The following ZMIZ1 variants were observed in gnomAD, a reference collection of about 807,000 sequenced individuals.
The protein encoded by ZMIZ1 is zinc finger MIZ-type containing 1.
Under a neutral mutation model 113.9 loss-of-function variants are expected in ZMIZ1, and 17 were observed. The ratio of observed to expected loss-of-function variants is 0.15; its 90% CI spans 0.10 to 0.22. ZMIZ1 has a LOEUF of 0.22. Among genes scored for constraint, ZMIZ1 ranks in the 10% least tolerant of loss-of-function variants. The pLI, the probability that ZMIZ1 is intolerant of heterozygous loss-of-function variation, is 1.00. For missense variants in ZMIZ1, 1,059 were observed against 1,477.8 expected (o/e 0.72, Z 4.65); for synonymous variants, 607 against 603.1 (o/e 1.01, Z -0.09).
chr10:79,301,746 C>G (rs1854314579), intron 17 of ZMIZ1, among the ~76,000 whole-genome samples: 1 of 152,112 alleles, frequency 6.6e-6, no homozygotes, highest in Non-Finnish European at 1.5e-5. Context: ...ATGTGCAGTT[C>G]TGGAAGGCTT....
rs1485771618 is a variant in ZMIZ1 at position 79,313,545 on chromosome 10, CAGAG to C, written c.*801_*804del. 1.2e-5 allele frequency: 2 copies of C among 166,214 alleles called. No individual in the cohort carries two copies. Among genetic ancestry groups the C allele is most frequent in the East Asian group, 1.8e-4 (1 of 5,622 alleles). The allele number at this position is 166,214 out of a possible 1,614,324, so 10.3% of individuals were successfully genotyped here. A position where few individuals can be genotyped will look rare whatever the true frequency, so the allele number is the denominator to read the frequency against. On this transcript the variant is annotated 3_prime_UTR_variant, in exon 25 of 25. Transcript: ENST00000334512. ...TCAGACAGGGCCCAGGCTTGGGGAA[CAGAG>C]AGAGCAGGTGTACACCCAACCAAAG...
At chr10:79,192,464 G>C (rs1847646437) in intron 4 of ZMIZ1, among the ~76,000 whole-genome samples, 1 of 152,340 alleles carries the variant, frequency 6.6e-6, no homozygotes, top group Non-Finnish European at 1.5e-5. Flanking sequence ...GGTGTTGGGA[G>C]ATTGGATCAT....
intron 1 of ZMIZ1, among the ~76,000 whole-genome samples, chr10:79,098,903 C>A (rs768046130): frequency 4.6e-5 from 7 of 152,196 alleles, no homozygotes; most frequent in Non-Finnish European, 1.5e-5. Flanking sequence ...CCCTCTGGAG[C>A]TGGAGAACTT....
chr10:79,095,329 A>C (rs906952817), intron 1 of ZMIZ1, among the ~76,000 whole-genome samples: 1 of 152,254 alleles, frequency 6.6e-6, no homozygotes, highest in Non-Finnish European at 1.5e-5. Context: ...AACGCTATCA[A>C]GTCAAATATT....
chr10:79,180,191 G>A (rs1203490861), intron 4 of ZMIZ1, among the ~76,000 whole-genome samples: 7 of 152,182 alleles, frequency 4.6e-5, no homozygotes, highest in Non-Finnish European at 1.0e-4. Context: ...CCTCTCGAGA[G>A]GCATGAAGTG....
At chr10:79,273,117 C>A (rs371252660) in intron 7 of ZMIZ1, among the ~76,000 whole-genome samples, 5 of 152,174 alleles carry the variant, frequency 3.3e-5, no homozygotes, top group East Asian at 3.8e-4. Flanking sequence ...AGTGCATTTG[C>A]AGGTGGTTGT....
At chr10:79,211,625 T>C (rs556069483) in intron 6 of ZMIZ1, among the ~76,000 whole-genome samples, 1 of 152,318 alleles carries the variant, frequency 6.6e-6, no homozygotes, top group South Asian at 2.1e-4. Flanking sequence ...TCTAAGCAGC[T>C]CAGGCACAAT....
chr10:79,291,918 G>A (rs1853519989), intron 10 of ZMIZ1, among the ~76,000 whole-genome samples: 1 of 152,224 alleles, frequency 6.6e-6, no homozygotes, highest in South Asian at 2.1e-4. Context: ...TCCTTCAGAA[G>A]ATGGGCTCAC....
At chr10:79,288,746 C>T (rs562126853) in intron 8 of ZMIZ1, among the ~76,000 whole-genome samples, 7 of 152,306 alleles carry the variant, frequency 4.6e-5, no homozygotes, top group East Asian at 3.9e-4. Context: ...CCTGCCCCTT[C>T]GCTGGGATCT....
chr10:79,170,632 G>A (rs191704656), intron 4 of ZMIZ1, among the ~76,000 whole-genome samples: 1 of 152,318 alleles, frequency 6.6e-6, no homozygotes, highest in Admixed American at 6.5e-5. Context: ...CAGAGTGGGT[G>A]GGGGCAGTCC....
At chr10:79,225,657 C>T (rs774963004) in intron 7 of ZMIZ1, among the ~76,000 whole-genome samples, 1 of 152,204 alleles carries the variant, frequency 6.6e-6, no homozygotes, top group Non-Finnish European at 1.5e-5. Context: ...TACTGAGCCT[C>T]TCTTCTTAGA....
At chr10:79,167,366 G>A (rs9664899) in intron 4 of ZMIZ1, among the ~76,000 whole-genome samples, 24,376 of 152,050 alleles carry the variant, frequency 0.16, 2,195 homozygotes, top group East Asian at 0.32. Flanking sequence ...ATTGCACGGC[G>A]CATGCTTGGA....
At chr10:79,223,379 G>A (rs1849068845) in intron 7 of ZMIZ1, among the ~76,000 whole-genome samples, 1 of 152,238 alleles carries the variant, frequency 6.6e-6, no homozygotes, top group Admixed American at 6.5e-5. Flanking sequence ...TCAAGGTCGG[G>A]ACAGACTTCT....
chr10:79,206,791 G>A (rs535228297), intron 5 of ZMIZ1, among the ~76,000 whole-genome samples: 1 of 152,274 alleles, frequency 6.6e-6, no homozygotes, highest in East Asian at 1.9e-4. Context: ...GCCTCACTGC[G>A]GCCCCGTGAT....
chr10:79,164,230 A>G (rs927107813), intron 4 of ZMIZ1, among the ~76,000 whole-genome samples: 2 of 152,174 alleles, frequency 1.3e-5, no homozygotes, highest in African/African-American at 4.8e-5. Context: ...GCTCTTGACC[A>G]TTGGCTCCCT....
intron 7 of ZMIZ1, among the ~76,000 whole-genome samples, chr10:79,245,964 G>T (rs1471501854): frequency 6.6e-6 from 1 of 152,234 alleles, no homozygotes; most frequent in Non-Finnish European, 1.5e-5. Flanking sequence ...CAGGAGGATA[G>T]ACTTAAGACA....
chr10:79,307,376 C>CGGGG, intron 22 of ZMIZ1, 29 bp from the exon 23 acceptor site: 2 of 1,579,016 alleles, frequency 1.3e-6, no homozygotes, highest in Non-Finnish European at 1.7e-6. Flanking sequence ...TGGGTGACCC[C>CGGGG]CTCCCCTCCC....
chr10:79,309,689 T>C (rs1854985294), intron 23 of ZMIZ1, among the ~76,000 whole-genome samples: 1 of 152,044 alleles, frequency 6.6e-6, no homozygotes, highest in African/African-American at 2.4e-5. Context: ...AGGAAGGAAG[T>C]TGGGGATGGG....
At chr10:79,208,079 G>A (rs980313250) in intron 5 of ZMIZ1, among the ~76,000 whole-genome samples, 3 of 139,432 alleles carry the variant, frequency 2.2e-5, no homozygotes, top group African/African-American at 3.1e-5. Flanking sequence ...GGGTGGGGGT[G>A]GAGGTGGTGG....
Sources: allele counts gnomAD v4.1 joint callset (sites outside exome capture counted in the v4.1 genomes callset), GRCh38; gene constraint gnomAD v4.1.1; transcripts MANE v1.5; gene names NCBI Gene and HGNC (gene_info 2026-07-23, HGNC 2026-07-21).